The following SLC24A3 variants were observed in gnomAD, a reference collection of about 807,000 sequenced individuals.
SLC24A3 encodes solute carrier family 24 member 3, also known as sodium/potassium/calcium exchanger 3.
In SLC24A3, 28 loss-of-function variants were observed where a neutral mutation model predicts 75.8. The ratio of observed to expected loss-of-function variants is 0.37; its 90% CI spans 0.27 to 0.51. The LOEUF (loss-of-function observed/expected upper bound fraction) is 0.51. Among genes scored for constraint, SLC24A3 ranks in the 20% least tolerant of loss-of-function variants. SLC24A3 has a pLI of 0.94. For synonymous variants in SLC24A3, 372 were observed against 334.1 expected (o/e 1.11, Z -1.24); for missense variants, 663 against 847.8 (o/e 0.78, Z 2.71).
intron 6 of SLC24A3, among the ~76,000 whole-genome samples, chr20:19,638,550 G>A (rs979085473): frequency 2.0e-5 from 3 of 152,132 alleles, no homozygotes; most frequent in Admixed American, 6.5e-5. Context: ...AATGAGAGTA[G>A]CTGTCACTTA....
chr20:19,544,458 G>A (rs1358665085), intron 3 of SLC24A3, among the ~76,000 whole-genome samples: 2 of 152,128 alleles, frequency 1.3e-5, no homozygotes, highest in Non-Finnish European at 2.9e-5. Flanking sequence ...AACAAAATAA[G>A]CATAAAAGTA....
intron 6 of SLC24A3, among the ~76,000 whole-genome samples, chr20:19,592,793 CTTTCTTTTTTT>C (rs1379643740): frequency 8.4e-6 from 1 of 119,688 alleles, no homozygotes; most frequent in Non-Finnish European, 1.7e-5. Flanking sequence ...TTCTTTCTTT[CTTTCTTTTTTT>C]TTTTTTTTTG....
At chr20:19,426,215 ATTTAC>A (rs1321861223) in intron 2 of SLC24A3, among the ~76,000 whole-genome samples, 1 of 152,170 alleles carries the variant, frequency 6.6e-6, no homozygotes, top group Admixed American at 6.5e-5. Flanking sequence ...ATATGAATAT[ATTTAC>A]TTATTTGTGC....
At chr20:19,591,216 A>C (rs945557787) in intron 6 of SLC24A3, among the ~76,000 whole-genome samples, 2 of 152,108 alleles carry the variant, frequency 1.3e-5, no homozygotes, top group Non-Finnish European at 2.9e-5. Flanking sequence ...ATCTGGGCTC[A>C]CAAAACGTGT....
intron 1 of SLC24A3, among the ~76,000 whole-genome samples, chr20:19,218,356 G>C (rs763657605): frequency 1.3e-5 from 2 of 152,160 alleles, no homozygotes; most frequent in Non-Finnish European, 2.9e-5. Context: ...GAAAGGTGGA[G>C]TGCAGTGCCT....
At chr20:19,710,487 C>T (rs1393566276) in intron 15 of SLC24A3, among the ~76,000 whole-genome samples, 1 of 152,226 alleles carries the variant, frequency 6.6e-6, no homozygotes, top group African/African-American at 2.4e-5. Context: ...AATGAAAATG[C>T]ATGCTTCTTA....
At chr20:19,661,118 G>T (rs1248257187) in intron 7 of SLC24A3, among the ~76,000 whole-genome samples, 1 of 152,068 alleles carries the variant, frequency 6.6e-6, no homozygotes, top group East Asian at 1.9e-4. Context: ...GCTTGATTTT[G>T]GTTTTCCCTG....
intron 2 of SLC24A3, among the ~76,000 whole-genome samples, chr20:19,514,287 A>T (rs1283466480): frequency 6.6e-6 from 1 of 152,132 alleles, no homozygotes; most frequent in Non-Finnish European, 1.5e-5. Flanking sequence ...TGCCTCCCTC[A>T]TGCACAGTGC....
chr20:19,513,456 C>A (rs1374097127), intron 2 of SLC24A3, among the ~76,000 whole-genome samples: 1 of 152,198 alleles, frequency 6.6e-6, no homozygotes, highest in Non-Finnish European at 1.5e-5. Context: ...GGAGCAGGTG[C>A]TCAATAAATG....
rs796653577 is a variant in SLC24A3, at chr20:19,225,573, C to T, written c.142+12589C>T. Among the ~76,000 whole-genome samples the T allele has an allele frequency of 2.6e-5, 4 of 152,142 alleles. 1 individual carries two copies. The highest frequency in any genetic ancestry group is 9.6e-5 in the African/African-American group (4 of 41,498). On this transcript the variant is annotated intron_variant, in intron 1 of 16. Transcript: ENST00000328041. ...GCAGAACAATATATCACCCCAAAAA[C>T]CCCCCTCAAGCTACCCCTTTATATT...
chr20:19,678,183 C>T (rs1218981887), intron 9 of SLC24A3, among the ~76,000 whole-genome samples: 2 of 151,256 alleles, frequency 1.3e-5, no homozygotes, highest in South Asian at 2.1e-4. Flanking sequence ...TCCACAAAAC[C>T]GCCATTGTCA....
intron 2 of SLC24A3, among the ~76,000 whole-genome samples, chr20:19,291,603 A>T (rs1983943102): frequency 6.6e-6 from 1 of 152,196 alleles, no homozygotes; most frequent in South Asian, 2.1e-4. Flanking sequence ...TTTTGGCTGA[A>T]ATGTCTATAA....
At chr20:19,490,045 G>A (rs1988186934) in intron 2 of SLC24A3, among the ~76,000 whole-genome samples, 1 of 152,122 alleles carries the variant, frequency 6.6e-6, no homozygotes, top group Non-Finnish European at 1.5e-5. Flanking sequence ...ACCTGTTTCT[G>A]TGTTTGTAAA....
At chr20:19,533,812 A>T (rs895491524) in intron 3 of SLC24A3, among the ~76,000 whole-genome samples, 1 of 152,222 alleles carries the variant, frequency 6.6e-6, no homozygotes, top group African/African-American at 2.4e-5. Context: ...TATCTTGGAA[A>T]GATTTTGCTG....
chr20:19,247,232 G>A (rs16980256), intron 1 of SLC24A3, among the ~76,000 whole-genome samples: 20,325 of 152,160 alleles, frequency 0.13, 1,383 homozygotes, highest in African/African-American at 0.16. Context: ...GGCTCAGTGA[G>A]GCATTGCCTG....
At chr20:19,694,943 A>G (rs914374107) in intron 13 of SLC24A3, 2 of 152,226 alleles carry the variant, frequency 1.3e-5, no homozygotes, top group African/African-American at 4.8e-5. Context: ...TAAAAAGGAA[A>G]AACAAGGTTT....
intron 3 of SLC24A3, among the ~76,000 whole-genome samples, chr20:19,517,087 G>A (rs915125945): frequency 1.3e-5 from 2 of 152,182 alleles, no homozygotes; most frequent in Admixed American, 6.5e-5. Context: ...AAATGAGTAA[G>A]GAGAGCCTTT....
chr20:19,389,335 C>T (rs1439176979), intron 2 of SLC24A3, among the ~76,000 whole-genome samples: 1 of 152,046 alleles, frequency 6.6e-6, no homozygotes, highest in African/African-American at 2.4e-5. Context: ...CTTTTACATG[C>T]TTTCATGTTA....
intron 2 of SLC24A3, among the ~76,000 whole-genome samples, chr20:19,376,007 G>A (rs1471816503): frequency 2.0e-5 from 3 of 152,182 alleles, no homozygotes; most frequent in Admixed American, 6.5e-5. Flanking sequence ...AAGGGAAGTC[G>A]AGGACAGCCT....
Sources: allele counts gnomAD v4.1 joint callset (sites outside exome capture counted in the v4.1 genomes callset), GRCh38; gene constraint gnomAD v4.1.1; transcripts MANE v1.5; gene names NCBI Gene and HGNC (gene_info 2026-07-23, HGNC 2026-07-21).